The following SNTG1 variants were observed in gnomAD, a reference collection of about 807,000 sequenced individuals.
SNTG1 encodes the protein syntrophin gamma 1, also known as gamma-1-syntrophin.
SNTG1 carries 39 observed loss-of-function variants against 74.7 expected under a neutral mutation model. The ratio of observed to expected loss-of-function variants is 0.52; its 90% confidence interval spans 0.40 to 0.68. SNTG1 has a LOEUF of 0.68. Among genes scored for constraint, SNTG1 ranks in the 30% least tolerant of loss-of-function variants. SNTG1 has a pLI of 0.00. For missense variants in SNTG1, 685 were observed against 609.5 expected, an observed-to-expected ratio of 1.12 and a Z score of -1.30; for synonymous variants, 254 against 217.1, an observed-to-expected ratio of 1.17 and a Z score of -1.49.
intron 15 of SNTG1, among the ~76,000 whole-genome samples, chr8:50,670,209 A>C (rs2081322208): frequency 6.6e-6 from 1 of 152,202 alleles, no homozygotes; most frequent in Non-Finnish European, 1.5e-5. Context: ...AAGCAGGAGA[A>C]GGAAATAAAG....
At chr8:50,075,312 A>G (rs1821756236) in intron 1 of SNTG1, among the ~76,000 whole-genome samples, 1 of 152,184 alleles carries the variant, frequency 6.6e-6, no homozygotes, top group Non-Finnish European at 1.5e-5. Context: ...AAAGCCAGCA[A>G]GGCTCCTGAG....
chr8:50,769,491 G>A (rs1406021024), intron 18 of SNTG1, among the ~76,000 whole-genome samples: 1 of 151,834 alleles, frequency 6.6e-6, no homozygotes, highest in Non-Finnish European at 1.5e-5. Flanking sequence ...TCATAGTAAG[G>A]TAATTGTAAC....
At chr8:50,705,422 C>T (rs950995217) in intron 16 of SNTG1, among the ~76,000 whole-genome samples, 2 of 151,992 alleles carry the variant, frequency 1.3e-5, no homozygotes, top group Non-Finnish European at 2.9e-5. Context: ...ACACATACAA[C>T]AATAAAAATC....
intron 1 of SNTG1, among the ~76,000 whole-genome samples, chr8:50,117,336 T>C (rs557351264): frequency 1.3e-5 from 2 of 152,266 alleles, no homozygotes; most frequent in African/African-American, 4.8e-5. Flanking sequence ...ATAAACAGGC[T>C]ATGCTTGTTT....
chr8:49,963,004 C>G (rs950039709), intron 1 of SNTG1, among the ~76,000 whole-genome samples: 1 of 152,282 alleles, frequency 6.6e-6, no homozygotes. Context: ...AGGTGCTTCT[C>G]AAGCCAGAGG....
chr8:50,780,324 C>A (rs1218410839), intron 18 of SNTG1, among the ~76,000 whole-genome samples: 9 of 152,118 alleles, frequency 5.9e-5, no homozygotes, highest in African/African-American at 1.9e-4. Flanking sequence ...CTGTGAATCC[C>A]TCTGGTCCTG....
chr8:50,546,717 A>C lies in SNTG1; in HGVS notation c.681-6333A>C, dbSNP rs538774860. On this transcript the variant is annotated intron_variant, in intron 11 of 18. Transcript: ENST00000642720. Reference sequence around the variant, plus strand: ...TCCCTACAAAGGACATGAACTCATCATTTTTTATGGCTGCATAGTATTCCA... The same window carrying C: ...TCCCTACAAAGGACATGAACTCATCCTTTTTTATGGCTGCATAGTATTCCA... Among the ~76,000 whole-genome samples the C allele has an allele frequency of 2.4e-3, 370 of 152,046 alleles. 2 individuals are homozygous for C. The highest frequency in any genetic ancestry group is 8.3e-3 in the African/African-American group (345 of 41,478).
At chr8:50,207,248 G>A (rs1301916018) in intron 2 of SNTG1, among the ~76,000 whole-genome samples, 2 of 152,148 alleles carry the variant, frequency 1.3e-5, no homozygotes, top group Non-Finnish European at 2.9e-5. Context: ...TTCAGAGCCT[G>A]TTATTGGTCT....
chr8:50,103,817 G>C (rs371070731), intron 1 of SNTG1, among the ~76,000 whole-genome samples: 2 of 152,050 alleles, frequency 1.3e-5, no homozygotes, highest in South Asian at 4.2e-4. Context: ...TATTGAGATA[G>C]TCATGTGGTT....
intron 2 of SNTG1, among the ~76,000 whole-genome samples, chr8:50,346,964 G>T (rs1327984669): frequency 6.6e-6 from 1 of 152,254 alleles, no homozygotes; most frequent in Admixed American, 6.5e-5. Flanking sequence ...ACATAAAAGT[G>T]CAGGGTAAAG....
intron 2 of SNTG1, among the ~76,000 whole-genome samples, chr8:50,296,709 C>T (rs1237905585): frequency 6.6e-6 from 1 of 152,140 alleles, no homozygotes; most frequent in African/African-American, 2.4e-5. Context: ...CAGCGAACCA[C>T]CATGGCACAT....
intron 1 of SNTG1, among the ~76,000 whole-genome samples, chr8:49,956,665 G>A (rs1810204822): frequency 6.6e-6 from 1 of 151,592 alleles, no homozygotes. Flanking sequence ...GCATGTATTT[G>A]TTTTCATTTC....
At position 50,696,595 on chromosome 8, in the gene SNTG1, T is replaced by C. The variant is rs538224713; in HGVS notation, c.1039-8005T>C. Among the ~76,000 whole-genome samples, 32 of 152,188 alleles carry C rather than the reference T, an allele frequency of 2.1e-4. 1 individual carries two copies. Among genetic ancestry groups the C allele is most frequent in the African/African-American group, 7.0e-4 (29 of 41,568 alleles). On this transcript the variant is annotated intron_variant, in intron 15 of 18. Transcript: ENST00000642720. Reference sequence around the variant, plus strand: ...TTCGAATCTTATGGTCTTTAATTCATCTTGAGTTAATTTTTTATATGGTGA... The same window carrying C: ...TTCGAATCTTATGGTCTTTAATTCACCTTGAGTTAATTTTTTATATGGTGA...
chr8:50,738,894 C>A (rs894881342), intron 17 of SNTG1, among the ~76,000 whole-genome samples: 2 of 151,874 alleles, frequency 1.3e-5, no homozygotes, highest in African/African-American at 2.4e-5. Flanking sequence ...CCTTTTTACA[C>A]CTTATACAAA....
At chr8:49,931,244 G>A (rs1371167838) in intron 1 of SNTG1, among the ~76,000 whole-genome samples, 9 of 152,254 alleles carry the variant, frequency 5.9e-5, no homozygotes, top group African/African-American at 9.6e-5. Flanking sequence ...CAATGTGGCC[G>A]ACCAACAGTT....
intron 1 of SNTG1, among the ~76,000 whole-genome samples, chr8:50,040,878 G>T (rs1417687784): frequency 6.6e-6 from 1 of 151,954 alleles, no homozygotes; most frequent in Admixed American, 6.6e-5. Context: ...AAGCACAAAG[G>T]GGCATTTTTT....
Position 50,553,047 on chromosome 8 carries a change from C to T in SNTG1, c.681-3C>T. 1 of 1,613,736 alleles carries T rather than the reference C, an allele frequency of 6.2e-7. No homozygotes were observed. The highest frequency in any genetic ancestry group is 8.5e-7 in the Non-Finnish European group (1 of 1,179,732). ...TGATCTGATTTGTTCTGAACATCTG[C>T]AGGCAGAATGCCTTTCAAGTCATTG... On this transcript the variant is annotated splice_region_variant and splice_polypyrimidine_tract_variant and intron_variant, in intron 11 of 18. Transcript: ENST00000642720.
chr8:50,164,655 T>C (rs2082550695), intron 1 of SNTG1, among the ~76,000 whole-genome samples: 1 of 152,196 alleles, frequency 6.6e-6, no homozygotes, highest in Non-Finnish European at 1.5e-5. Context: ...CCTGCTACAT[T>C]CACAGACCCT....
At chr8:50,705,413 CACAT>C (rs1033674091) in intron 16 of SNTG1, among the ~76,000 whole-genome samples, 6 of 149,904 alleles carry the variant, frequency 4.0e-5, no homozygotes, top group African/African-American at 1.2e-4. Context: ...AAGTCATTAA[CACAT>C]ACAACAATAA....
Sources: allele counts gnomAD v4.1 joint callset (sites outside exome capture counted in the v4.1 genomes callset), GRCh38; gene constraint gnomAD v4.1.1; transcripts MANE v1.5; gene names NCBI Gene and HGNC (gene_info 2026-07-23, HGNC 2026-07-21).